ADGB: variants seen among roughly 807,000 people sequenced by gnomAD.
The protein encoded by ADGB is androglobin, also known as calpain-7-like protein.
A neutral mutation model predicts 210.5 loss-of-function variants in ADGB; 172 were observed. The observed-to-expected ratio is 0.82, with a 90% CI of 0.72 to 0.93. The LOEUF (loss-of-function observed/expected upper bound fraction) is 0.93, where lower values mean the gene tolerates loss of function less well. Among genes scored for constraint, ADGB ranks in the 40% least tolerant of loss-of-function variants. The probability of loss-of-function intolerance (pLI) is 0.00; values close to 1 mark genes in which losing one functional copy is unlikely to be tolerated. For synonymous variants in ADGB, 658 were observed against 662.7 expected, an observed-to-expected ratio of 0.99 and a Z score of 0.11; for missense variants, 2,025 against 1,964.8, an observed-to-expected ratio of 1.03 and a Z score of -0.58.
At chr6:146,732,973 G>T in intron 20 of ADGB, 147 bp from the exon 21 acceptor site, 1 of 560,000 alleles carries the variant, frequency 1.8e-6, no homozygotes, top group Non-Finnish European at 2.8e-6. Context: ...CTGGGCAGGT[G>T]AGACTTCAAA....
chr6:146,673,183 T>A (rs1776039397), intron 8 of ADGB, among the ~76,000 whole-genome samples: 1 of 152,212 alleles, frequency 6.6e-6, no homozygotes, highest in Admixed American at 6.5e-5. Flanking sequence ...ACAATAATTA[T>A]CTTGAAAGCA....
chr6:146,755,040 T>C (rs1396838684), intron 27 of ADGB, among the ~76,000 whole-genome samples: 1 of 152,098 alleles, frequency 6.6e-6, no homozygotes, highest in Non-Finnish European at 1.5e-5. Context: ...TTTACATATG[T>C]ATATGCTATG....
intron 35 of ADGB, among the ~76,000 whole-genome samples, chr6:146,804,916 A>G (rs13209242): frequency 0.023 from 3,433 of 152,348 alleles, 55 homozygotes; most frequent in Non-Finnish European, 0.035. Flanking sequence ...TTTTTACACA[A>G]GATCACAGAT....
At chr6:146,599,239 G>T in intron 1 of ADGB, 125 bp downstream of exon 1, 1 of 825,708 alleles carries the variant, frequency 1.2e-6, no homozygotes. Context: ...CTCGCAGCTT[G>T]TCTTCTCTGG....
Position 146,803,805 on chromosome 6 carries a change from T to C in ADGB, c.4818+1794T>C. The C allele has an allele frequency of 5.6e-6, 3 of 535,724 alleles. 1 individual carries two copies. The South Asian group carries it at 7.5e-5, about 13-fold the overall frequency. 33.2% of individuals were successfully genotyped at this position (535,724 alleles called of 1,614,324 possible). ...CCGGCAGCCTAGAGCGTCCCTCGGC[T>C]TCTGGGCCGAGTCCCACTCAGGGCC... On this transcript the variant is annotated intron_variant, in intron 35 of 35. Transcript: ENST00000397944.
chr6:146,664,154 G>T lies in ADGB; in HGVS notation c.613-47G>T, dbSNP rs182494442. The T allele has an allele frequency of 2.7e-6, 4 of 1,481,304 alleles. No individual in the cohort carries two copies. The African/African-American group carries it at 4.3e-5, about 16-fold the overall frequency. 91.8% of individuals were successfully genotyped at this position (1,481,304 alleles called of 1,614,324 possible). ...ACGTGCAATCATTTACGAGAGAAAA[G>T]ACTGTAAGCCATTGATGGTATTACA... On this transcript the variant is annotated intron_variant, in intron 5 of 35. Transcript: ENST00000397944.
At position 146,797,361 on chromosome 6, in the gene ADGB, G is replaced by T. The variant is rs1778060632; in HGVS notation, c.4538-3822G>T. 2.0e-5 allele frequency among the ~76,000 whole-genome samples: 3 copies of T among 152,080 alleles called. No homozygotes were observed. The South Asian group carries it at 6.2e-4, about 32-fold the overall frequency. On this transcript the variant is annotated intron_variant, in intron 33 of 35. Transcript: ENST00000397944. ...CCCACTACTGGGTACCTACCCAAAG[G>T]AAAAGAAGTCACTATATGAAAAAGA... is the stretch of plus-strand genomic sequence containing the variant.
At chr6:146,721,733 G>T (rs1776818023) in intron 17 of ADGB, among the ~76,000 whole-genome samples, 1 of 152,144 alleles carries the variant, frequency 6.6e-6, no homozygotes, top group African/African-American at 2.4e-5. Context: ...AGCTACTCAG[G>T]AGGCTGAAGC....
At chr6:146,653,218 A>C (rs1775729640) in intron 3 of ADGB, among the ~76,000 whole-genome samples, 1 of 152,018 alleles carries the variant, frequency 6.6e-6, no homozygotes, top group African/African-American at 2.4e-5. Flanking sequence ...GCAGGAAAAC[A>C]AGCTCAGGGT....
At chr6:146,644,908 A>C (rs750052164) in intron 3 of ADGB, 43 bp downstream of exon 3, 41 of 1,205,202 alleles carry the variant, frequency 3.4e-5, no homozygotes, top group Non-Finnish European at 4.6e-5. Flanking sequence ...TACTATGTGG[A>C]TGTATTATCC....
chr6:146,796,827 C>T (rs989340600), intron 33 of ADGB, among the ~76,000 whole-genome samples: 18 of 151,976 alleles, frequency 1.2e-4, no homozygotes, highest in African/African-American at 4.3e-4. Context: ...AAAGCAAATG[C>T]AACAAAAACA....
intron 13 of ADGB, among the ~76,000 whole-genome samples, chr6:146,701,561 T>G (rs1776490521): frequency 6.6e-6 from 1 of 152,050 alleles, no homozygotes; most frequent in Non-Finnish European, 1.5e-5. Flanking sequence ...TAAGCAACGG[T>G]ACCATGATTT....
At chr6:146,627,075 CT>C (rs1239970723) in intron 1 of ADGB, among the ~76,000 whole-genome samples, 7 of 151,806 alleles carry the variant, frequency 4.6e-5, no homozygotes, top group African/African-American at 1.7e-4. Context: ...GTATTTGAAT[CT>C]TTTTTTATCT....
rs183678479 is a variant in ADGB at position 146,675,428 on chromosome 6, C to T, written c.1088-885C>T. 2.4e-4 allele frequency among the ~76,000 whole-genome samples: 36 copies of T among 151,838 alleles called. No individual in the cohort carries two copies. In the East Asian group the frequency reaches 4.6e-3, roughly 20 times the overall value. ...AGGTCAATGCTGCAGTGAGCTGAGA[C>T]CTCGCCACTGCACTCCAGCCTGGGT... On this transcript the variant is annotated intron_variant, in intron 8 of 35. Coordinates refer to ENST00000397944, the MANE Select transcript of ADGB (RefSeq NM_024694.4).
intron 2 of ADGB, chr6:146,639,056 A>G: frequency 6.4e-6 from 1 of 155,066 alleles, no homozygotes. Flanking sequence ...TTCCAGACAG[A>G]TGAAGAGGTG....
At chr6:146,615,377 G>C (rs1031984449) in intron 1 of ADGB, among the ~76,000 whole-genome samples, 1 of 152,022 alleles carries the variant, frequency 6.6e-6, no homozygotes, top group Admixed American at 6.6e-5. Context: ...AGATTTGGAG[G>C]GGACAGACAT....
intron 5 of ADGB, among the ~76,000 whole-genome samples, chr6:146,663,927 G>T (rs1775902342): frequency 6.6e-6 from 1 of 152,064 alleles, no homozygotes; most frequent in African/African-American, 2.4e-5. Flanking sequence ...CCTGCATTAT[G>T]CAGTAAGGGA....
chr6:146,609,996 A>G (rs1276723419), intron 1 of ADGB, among the ~76,000 whole-genome samples: 1 of 152,110 alleles, frequency 6.6e-6, no homozygotes, highest in Admixed American at 6.5e-5. Context: ...GGGGATGGTC[A>G]TCTTGTGTAG....
chr6:146,810,902 T>C (rs1778293648), intron 35 of ADGB, among the ~76,000 whole-genome samples: 1 of 152,158 alleles, frequency 6.6e-6, no homozygotes, highest in Admixed American at 6.5e-5. Flanking sequence ...TCAGAATCAA[T>C]AGTAGTAATT....
Sources: allele counts gnomAD v4.1 joint callset (sites outside exome capture counted in the v4.1 genomes callset), GRCh38; gene constraint gnomAD v4.1.1; transcripts MANE v1.5; gene names NCBI Gene and HGNC (gene_info 2026-07-23, HGNC 2026-07-21).